Variants in CCDC102B observed in about 807,000 individuals in gnomAD.
The protein encoded by CCDC102B is coiled-coil domain-containing protein 102B.
Under a neutral mutation model 57.4 loss-of-function variants are expected in CCDC102B, and 75 were observed. The observed-to-expected ratio is 1.31, with a 90% CI of 1.08 to 1.58. The LOEUF (loss-of-function observed/expected upper bound fraction) is 1.58. Among genes scored for constraint, CCDC102B ranks in the 40% most tolerant of loss-of-function variants. The pLI is 0.00. For missense variants in CCDC102B, 636 were observed against 582.6 expected, an observed-to-expected ratio of 1.09 and a Z score of -0.94; for synonymous variants, 206 against 201.9, an observed-to-expected ratio of 1.02 and a Z score of -0.17.
At chr18:68,799,439 G>C (rs892051789) in intron 1 of CCDC102B, among the ~76,000 whole-genome samples, 3 of 152,004 alleles carry the variant, frequency 2.0e-5, no homozygotes, top group African/African-American at 4.8e-5. Context: ...CCTCACTATG[G>C]GTTTGGCTTC....
chr18:68,894,569 A>G (rs980668760), intron 5 of CCDC102B, among the ~76,000 whole-genome samples: 5 of 151,968 alleles, frequency 3.3e-5, no homozygotes, highest in East Asian at 1.9e-4. Context: ...TTTATTTATC[A>G]TTTTAAGGTA....
At chr18:68,853,672 TAAAAAA>T (rs71175201) in intron 4 of CCDC102B, among the ~76,000 whole-genome samples, 93 of 94,656 alleles carry the variant, frequency 9.8e-4, no homozygotes, top group Middle Eastern at 6.4e-3. Flanking sequence ...CCCCAAATTG[TAAAAAA>T]AAAAAAAAAA....
chr18:68,939,719 C>A (rs184520309), intron 6 of CCDC102B, among the ~76,000 whole-genome samples: 11 of 151,838 alleles, frequency 7.2e-5, no homozygotes, highest in African/African-American at 2.6e-4. Flanking sequence ...TTTGTTTTTG[C>A]ATTTAAGTAA....
intron 6 of CCDC102B, among the ~76,000 whole-genome samples, chr18:68,981,832 C>A (rs1166588193): frequency 6.6e-6 from 1 of 151,888 alleles, no homozygotes; most frequent in African/African-American, 2.4e-5. Context: ...TGAGTGACAA[C>A]AGGCGGTGTT....
Position 68,920,688 on chromosome 18 carries a change from G to A in CCDC102B, c.1263+23260G>A, listed in dbSNP as rs138333400. Among the ~76,000 whole-genome samples, 403 of 152,226 alleles carry A rather than the reference G, an allele frequency of 2.6e-3. 3 individuals carry two copies. Among genetic ancestry groups the A allele is most frequent in the Middle Eastern group, 6.8e-3 (2 of 294 alleles). ...GCCTCAGGAAACTTACAATCATGGA[G>A]GAAGGCAAAGGAGAAGCAGGCACCT... On this transcript the variant is annotated intron_variant, in intron 6 of 7. Coordinates refer to ENST00000360242, the MANE Select transcript of CCDC102B (RefSeq NM_024781.3).
intron 1 of CCDC102B, among the ~76,000 whole-genome samples, chr18:68,814,054 GGAAAAAATGA>G (rs1415744256): frequency 6.6e-6 from 1 of 151,930 alleles, no homozygotes; most frequent in African/African-American, 2.4e-5. Context: ...TTTATTAGTA[GGAAAAAATGA>G]GAAAAAATGG....
chr18:68,971,396 A>G (rs942789005), intron 6 of CCDC102B, among the ~76,000 whole-genome samples: 26 of 152,216 alleles, frequency 1.7e-4, no homozygotes, highest in African/African-American at 6.0e-4. Context: ...GCAATTATCT[A>G]GTGAAGTTAC....
chr18:68,860,495 A>G, intron 4 of CCDC102B, among the ~76,000 whole-genome samples: 1 of 131,428 alleles, frequency 7.6e-6, no homozygotes, highest in Admixed American at 7.8e-5. Flanking sequence ...AAAAGACACT[A>G]CAGGATGACC....
chr18:68,726,215 G>A (rs889176059), intron 2 of CCDC102B, among the ~76,000 whole-genome samples: 1 of 152,196 alleles, frequency 6.6e-6, no homozygotes, highest in African/African-American at 2.4e-5. Flanking sequence ...CCGACTGAGT[G>A]AAATTTTTTA....
At chr18:68,808,468 C>CGTTTTTTTTTTT (rs2036113998) in intron 1 of CCDC102B, among the ~76,000 whole-genome samples, 2 of 91,786 alleles carry the variant, frequency 2.2e-5, no homozygotes, top group Non-Finnish European at 4.0e-5. Flanking sequence ...GCTTTTACTA[C>CGTTTTTTTTTTT]TTTTTTTTTT....
chr18:68,752,329 A>G lies in CCDC102B; in HGVS notation c.-67+35735A>G, dbSNP rs368152382. On this transcript the variant is annotated intron_variant, in intron 2 of 3. Coordinates refer to the CCDC102B transcript ENST00000578970. ...ACTGACATCTAACTTCTCATCAGCA[A>G]CAATGGAAGCCAGGAGAAAGTTAAA... 1.7e-4 allele frequency among the ~76,000 whole-genome samples: 26 copies of G among 152,158 alleles called. 1 individual carries two copies. Among genetic ancestry groups the G allele is most frequent in the East Asian group, 1.2e-3 (6 of 5,192 alleles).
At chr18:68,976,547 G>A (rs528599906) in intron 6 of CCDC102B, among the ~76,000 whole-genome samples, 5 of 151,934 alleles carry the variant, frequency 3.3e-5, no homozygotes, top group African/African-American at 7.2e-5. Context: ...TTGCTATGTC[G>A]AATGTTGGCC....
intron 1 of CCDC102B, chr18:68,715,466 T>G (rs2031891662): frequency 1.2e-5 from 2 of 161,360 alleles, no homozygotes; most frequent in African/African-American, 4.8e-5. Flanking sequence ...ATCAAATTCC[T>G]GGAAAGAGGC....
rs1186440093 is a variant in CCDC102B, at chr18:68,956,423, TA to T, written c.1264-54510del. ...AAATATATTTTATATATATTATATA[TA>T]TTATACATTTTATATATATTATATA... On this transcript the variant is annotated intron_variant, in intron 6 of 7. Coordinates refer to ENST00000360242, the MANE Select transcript of CCDC102B (RefSeq NM_024781.3). Among the ~76,000 whole-genome samples, 317 of 53,724 alleles carry T rather than the reference TA, an allele frequency of 5.9e-3. 46 individuals carry two copies. The highest frequency in any genetic ancestry group is 0.033 in the African/African-American group (311 of 9,328). 35.2% of individuals were successfully genotyped at this position (53,724 alleles called of 152,430 possible). A position where few individuals can be genotyped will look rare whatever the true frequency, so the allele number is the denominator to read the frequency against.
chr18:68,828,322 CAAAAAA>C lies in CCDC102B; in HGVS notation c.-15-8407_-15-8402del, dbSNP rs58180806. Reference sequence around the variant, plus strand: ...TTCACCAAGGTACATACCCTATTTACAAAAAAAAAAAAAAAAAAAAAAAAACCTTCA... The same window carrying C: ...TTCACCAAGGTACATACCCTATTTACAAAAAAAAAAAAAAAAAAACCTTCA... On this transcript the variant is annotated intron_variant, in intron 1 of 7. Transcript: ENST00000360242. Among the ~76,000 whole-genome samples the C allele has an allele frequency of 2.5e-4, 20 of 80,804 alleles. 1 individual carries two copies. In the South Asian group the frequency reaches 7.4e-3, roughly 30 times the overall value. 53.0% of individuals were successfully genotyped at this position (80,804 alleles called of 152,430 possible).
intron 6 of CCDC102B, among the ~76,000 whole-genome samples, chr18:68,948,582 G>T (rs536134469): frequency 1.0e-3 from 159 of 152,072 alleles, no homozygotes; most frequent in African/African-American, 3.6e-3. Context: ...TCCACATATT[G>T]CCTGGAAGAC....
chr18:68,715,216 A>G, upstream of CCDC102B: 2 of 1,379,346 alleles, frequency 1.4e-6, no homozygotes, highest in Non-Finnish European at 1.9e-6. Context: ...GTCATGTCTT[A>G]AGAATCCTTT....
At chr18:69,045,764 C>T (rs111664118) in intron 7 of CCDC102B, among the ~76,000 whole-genome samples, 3,090 of 152,158 alleles carry the variant, frequency 0.02, 101 homozygotes, top group African/African-American at 0.069. Context: ...TTCCACCCTC[C>T]ACCCTCAAGT....
intron 2 of CCDC102B, among the ~76,000 whole-genome samples, chr18:68,765,425 AAAGG>A (rs1171548295): frequency 2.6e-5 from 4 of 151,210 alleles, no homozygotes; most frequent in Non-Finnish European, 5.9e-5. Context: ...AGAGAAAGAG[AAAGG>A]AAAGAAGGAA....
Sources: gnomAD v4.1 joint callset for allele counts (sites outside exome capture counted in the v4.1 genomes callset) on GRCh38, gnomAD v4.1.1 for gene constraint, MANE v1.5 for transcripts, NCBI Gene and HGNC (gene_info 2026-07-23, HGNC 2026-07-21) for gene names.